The following CFAP69 variants were observed in gnomAD, a reference collection of about 807,000 sequenced individuals.
CFAP69 encodes cilia and flagella associated protein 69, also known as cilia- and flagella-associated protein 69.
A neutral mutation model predicts 123.0 loss-of-function variants in CFAP69; 92 were observed. The ratio of observed to expected loss-of-function variants is 0.75; its 90% CI spans 0.63 to 0.89. The LOEUF (loss-of-function observed/expected upper bound fraction) is 0.89, where lower values mean the gene tolerates loss of function less well. Among genes scored for constraint, CFAP69 ranks in the 40% least tolerant of loss-of-function variants. The probability of loss-of-function intolerance (pLI) is 0.00; values close to 1 mark genes in which losing one functional copy is unlikely to be tolerated. For synonymous variants in CFAP69, 380 were observed against 364.3 expected (o/e 1.04, Z -0.49); for missense variants, 1,067 against 1,096.9 (o/e 0.97, Z 0.39).
chr7:90,309,670 T>C (rs746294147), intron 22 of CFAP69, among the ~76,000 whole-genome samples: 7 of 152,188 alleles, frequency 4.6e-5, no homozygotes, highest in Admixed American at 3.3e-4. Flanking sequence ...CTCCAATGTA[T>C]ATCCACTTTT....
At position 90,279,664 on chromosome 7, in the gene CFAP69, T is replaced by C; in HGVS notation, c.1156-13T>C. 1 of 1,552,874 alleles carries C rather than the reference T, an allele frequency of 6.4e-7. No homozygotes were observed. Among genetic ancestry groups the C allele is most frequent in the Non-Finnish European group, 8.7e-7 (1 of 1,145,612 alleles). ...TATGTTTCTAACAAAGTATCCTTTGTTCTTTCTCACAGCTATTAATTGATG... is the reference window on the plus strand; with the variant it reads ...TATGTTTCTAACAAAGTATCCTTTGCTCTTTCTCACAGCTATTAATTGATG... On this transcript the variant is annotated splice_polypyrimidine_tract_variant and intron_variant, in intron 11 of 22. Transcript: ENST00000389297.
chr7:90,314,435 C>T (rs925218205), downstream of CFAP69, among the ~76,000 whole-genome samples: 1 of 152,020 alleles, frequency 6.6e-6, no homozygotes, highest in Non-Finnish European at 1.5e-5. Flanking sequence ...CCAGCTTGGG[C>T]AATGGAGTGC....
chr7:90,307,236 C>G, intron 20 of CFAP69, 138 bp downstream of exon 20: 2 of 679,222 alleles, frequency 2.9e-6, no homozygotes, highest in Non-Finnish European at 5.1e-6. Context: ...TTGTACATTT[C>G]AAAATACCCA....
In CFAP69 at chr7:90,309,286, AG is replaced by A; in HGVS notation, c.2575del (p.Ala859LeufsTer2). ...LKKAKSLQEK[A>X]IEASRYHKRP... ...AGAAAGCAAAAAGCCTTCAAGAAAA[AG>A]CTATAGAAGCCTCCAGATACCATAA... On this transcript the variant is annotated frameshift_variant, in exon 22 of 23. Transcript: ENST00000389297. LOFTEE classifies it high-confidence loss of function. The A allele has an allele frequency of 6.4e-7, 1 of 1,553,430 alleles. No homozygotes were observed. Among genetic ancestry groups the A allele is most frequent in the East Asian group, 2.3e-5 (1 of 43,304 alleles).
chr7:90,317,330 T>C, the CFAP69 span: 1 of 152,126 alleles, frequency 6.6e-6, no homozygotes, highest in Non-Finnish European at 1.5e-5. Context: ...ATTTGTCATA[T>C]AAATTCCACA....
At chr7:90,258,371 G>A (rs967139675) in intron 3 of CFAP69, among the ~76,000 whole-genome samples, 1 of 152,144 alleles carries the variant, frequency 6.6e-6, no homozygotes, top group African/African-American at 2.4e-5. Context: ...TGACAGGGCT[G>A]GTTTCTCCTG....
At chr7:90,287,426 GT>G (rs1193153157) in intron 14 of CFAP69, 17 of 893,184 alleles carry the variant, frequency 1.9e-5, no homozygotes, top group Non-Finnish European at 2.3e-5. Context: ...TTTAAATGTT[GT>G]TTGGGGTTTG....
At chr7:90,264,104 A>AAAT (rs1554354285) in intron 4 of CFAP69, among the ~76,000 whole-genome samples, 62 of 48,808 alleles carry the variant, frequency 1.3e-3, no homozygotes, top group Non-Finnish European at 2.0e-3. Flanking sequence ...AAAAAAAAAA[A>AAAT]ATATATATAT....
intron 8 of CFAP69, among the ~76,000 whole-genome samples, chr7:90,272,852 C>T (rs1800157442): frequency 1.3e-5 from 2 of 152,036 alleles, no homozygotes; most frequent in African/African-American, 4.8e-5. Flanking sequence ...TGAATTGAGT[C>T]CAGTTTGGCC....
At chr7:90,260,109 C>T (rs1798127207) in intron 3 of CFAP69, among the ~76,000 whole-genome samples, 1 of 152,126 alleles carries the variant, frequency 6.6e-6, no homozygotes, top group African/African-American at 2.4e-5. Context: ...CATCAGCTAT[C>T]ATTAGTGTTT....
Position 90,288,337 on chromosome 7 carries a change from C to A in CFAP69, c.1760C>A (p.Thr587Lys), listed in dbSNP as rs762786791. 2.5e-6 allele frequency: 4 copies of A among 1,610,166 alleles called. No homozygotes were observed. In the South Asian group the frequency reaches 4.4e-5, roughly 18 times the overall value. ...GGCTATAATGTACTTCTTTTTAGTACATTGGACAGCATTTGGTGAGTATTG... is the reference window on the plus strand; with the variant it reads ...GGCTATAATGTACTTCTTTTTAGTAAATTGGACAGCATTTGGTGAGTATTG... ...GLGYNVLLFS[T>K]LDSIWCCILG... The change falls in exon 15 of 23, where the codon ACA becomes AAA. Residue 587 changes from threonine to lysine, a missense_variant. Coordinates refer to ENST00000389297, the MANE Select transcript of CFAP69 (RefSeq NM_001039706.3).
intron 17 of CFAP69, chr7:90,302,860 G>C (rs1793021676): frequency 6.6e-6 from 1 of 152,018 alleles, no homozygotes; most frequent in South Asian, 2.1e-4. Flanking sequence ...GAAGATTGTT[G>C]TTGATAGCTT....
At chr7:90,308,212 C>A (rs17869790) in intron 21 of CFAP69, among the ~76,000 whole-genome samples, 3,001 of 152,180 alleles carry the variant, frequency 0.02, 98 homozygotes, top group East Asian at 0.11. Flanking sequence ...ACACAAAGAG[C>A]AACTATCTTG....
chr7:90,266,916 A>G (rs1799236571), intron 5 of CFAP69, among the ~76,000 whole-genome samples: 2 of 152,198 alleles, frequency 1.3e-5, no homozygotes, highest in South Asian at 4.1e-4. Flanking sequence ...CAGAGGCAAG[A>G]TTCTGGAAAT....
intron 9 of CFAP69, among the ~76,000 whole-genome samples, chr7:90,275,590 CTTTTTTTTTTTTTTTTTTTTT>C (rs57578763): frequency 1.6e-5 from 1 of 62,040 alleles, no homozygotes; most frequent in Non-Finnish European, 2.8e-5. Context: ...GGCCAAAAGC[CTTTTTTTTTTTTTTTTTTTTT>C]TTTTTTTTGA....
intron 11 of CFAP69, among the ~76,000 whole-genome samples, chr7:90,279,430 G>A (rs960792525): frequency 6.6e-6 from 1 of 151,528 alleles, no homozygotes; most frequent in Non-Finnish European, 1.5e-5. Flanking sequence ...TATATGAGCA[G>A]CAAAAACAAA....
intron 3 of CFAP69, among the ~76,000 whole-genome samples, chr7:90,258,365 A>G (rs1022283872): frequency 1.3e-5 from 2 of 152,226 alleles, no homozygotes; most frequent in Admixed American, 6.5e-5. Flanking sequence ...AGATGTTGAC[A>G]GGGCTGGTTT....
the CFAP69 span, chr7:90,319,233 G>C: frequency 2.5e-6 from 1 of 394,284 alleles, no homozygotes; most frequent in Non-Finnish European, 4.5e-6. Flanking sequence ...TATCATTTTA[G>C]GGAAAAAAAC....
chr7:90,249,162 A>G (rs1422172872), intron 1 of CFAP69, among the ~76,000 whole-genome samples: 2 of 152,150 alleles, frequency 1.3e-5, no homozygotes, highest in East Asian at 3.9e-4. Flanking sequence ...TGATTGGATC[A>G]TGGGGGTGAT....
Sources: gnomAD v4.1 joint callset for allele counts (sites outside exome capture counted in the v4.1 genomes callset) on GRCh38, gnomAD v4.1.1 for gene constraint, MANE v1.5 for transcripts, NCBI Gene and HGNC (gene_info 2026-07-23, HGNC 2026-07-21) for gene names.